The following DDX31 variants were observed in gnomAD, a reference collection of about 807,000 sequenced individuals.
DDX31 encodes ATP-dependent DNA helicase DDX31.
DDX31 carries 70 observed loss-of-function variants against 91.3 expected under a neutral mutation model. The ratio of observed to expected loss-of-function variants is 0.77; its 90% CI spans 0.63 to 0.94. The LOEUF is 0.94. Among genes scored for constraint, DDX31 ranks in the 40% least tolerant of loss-of-function variants. DDX31 has a pLI of 0.00. For missense variants in DDX31, 902 were observed against 925.0 expected (o/e 0.98, Z 0.32); for synonymous variants, 362 against 350.6 (o/e 1.03, Z -0.36).
intron 17 of DDX31, among the ~76,000 whole-genome samples, chr9:132,623,569 GAAAAAAA>G (rs71376647): frequency 6.7e-5 from 8 of 118,644 alleles, no homozygotes; most frequent in Non-Finnish European, 1.3e-4. Context: ...AAAAAAAAAA[GAAAAAAA>G]AAAGAAAAAA....
intron 14 of DDX31, among the ~76,000 whole-genome samples, chr9:132,639,445 G>A (rs1833348511): frequency 6.6e-6 from 1 of 152,222 alleles, no homozygotes; most frequent in Non-Finnish European, 1.5e-5. Flanking sequence ...ATCAGGCTGT[G>A]GGCGAGGGAG....
chr9:132,627,271 C>T (rs908437020), intron 16 of DDX31, among the ~76,000 whole-genome samples: 10 of 152,166 alleles, frequency 6.6e-5, no homozygotes, highest in African/African-American at 2.2e-4. Flanking sequence ...GCTGATATTC[C>T]AGCCAGAGTG....
intron 4 of DDX31, 148 bp from the exon 5 acceptor site, chr9:132,659,928 G>A: frequency 1.4e-6 from 1 of 699,104 alleles, no homozygotes; most frequent in South Asian, 1.8e-5. Flanking sequence ...ATAAAGGTGT[G>A]AAGAAACTTT....
At chr9:132,661,157 G>A (rs779334933) in intron 4 of DDX31, 51 bp downstream of exon 4, 19 of 1,537,428 alleles carry the variant, frequency 1.2e-5, no homozygotes, top group African/African-American at 2.7e-5. Context: ...GGTTTCGTCC[G>A]GTTATACCCA....
At position 132,595,662 on chromosome 9, in the gene DDX31, GA is replaced by G. The variant is rs1398500745; in HGVS notation, c.1995-551del. On this transcript the variant is annotated intron_variant, in intron 19 of 19. Transcript: ENST00000372159. This position sits in a 1 kb window ranked among gnomAD's most constrained non-coding sequence, Gnocchi z 4.6. Reference sequence around the variant, plus strand: ...ACAGCCAGATAGCTCTTTATGAACGGAAAAAACTCTTAAACATATTTCTGAC... The same window carrying G: ...ACAGCCAGATAGCTCTTTATGAACGGAAAAACTCTTAAACATATTTCTGAC... Among the ~76,000 whole-genome samples the G allele has an allele frequency of 6.6e-6, 1 of 152,246 alleles. No individual in the cohort carries two copies. The highest frequency in any genetic ancestry group is 2.4e-5 in the African/African-American group (1 of 41,538).
chr9:132,638,654 C>T (rs921290112), intron 14 of DDX31, among the ~76,000 whole-genome samples: 1 of 152,190 alleles, frequency 6.6e-6, no homozygotes, highest in Non-Finnish European at 1.5e-5. Flanking sequence ...CATTGAACAG[C>T]CACATTACAC....
At chr9:132,656,100 TA>T (rs570594189) in intron 6 of DDX31, among the ~76,000 whole-genome samples, 3 of 149,664 alleles carry the variant, frequency 2.0e-5, no homozygotes, top group Non-Finnish European at 3.0e-5. Flanking sequence ...GATATGATGT[TA>T]AAAAAAAAAT....
chr9:132,611,467 C>A (rs956525610), intron 19 of DDX31, among the ~76,000 whole-genome samples: 5 of 152,178 alleles, frequency 3.3e-5, no homozygotes, highest in Non-Finnish European at 7.3e-5. Flanking sequence ...ATCATCTCAG[C>A]ACTGGGAAAA....
chr9:132,650,001 A>G (rs1434099837), intron 9 of DDX31, among the ~76,000 whole-genome samples: 1 of 152,200 alleles, frequency 6.6e-6, no homozygotes, highest in Non-Finnish European at 1.5e-5. Flanking sequence ...AGAAGTTGAC[A>G]GCACTGTTAC....
chr9:132,599,174 C>A (rs763513525), intron 19 of DDX31, among the ~76,000 whole-genome samples: 1 of 152,160 alleles, frequency 6.6e-6, no homozygotes, highest in Non-Finnish European at 1.5e-5. Flanking sequence ...TTAACTTACT[C>A]ACTTTTCCAA....
At chr9:132,607,811 G>A (rs1287677060) in intron 19 of DDX31, among the ~76,000 whole-genome samples, 2 of 152,196 alleles carry the variant, frequency 1.3e-5, no homozygotes, top group Non-Finnish European at 2.9e-5. Flanking sequence ...TTATAGGTGT[G>A]AGCCACTGTG....
chr9:132,639,557 G>A (rs192606000), intron 14 of DDX31, among the ~76,000 whole-genome samples: 5 of 152,318 alleles, frequency 3.3e-5, no homozygotes, highest in East Asian at 1.9e-4. Flanking sequence ...CTGATACCAC[G>A]TGCCTGCAGG....
chr9:132,659,873 G>A (rs111488101), intron 4 of DDX31, 93 bp from the exon 5 acceptor site: 16 of 1,196,030 alleles, frequency 1.3e-5, no homozygotes, highest in African/African-American at 7.6e-5. Context: ...CCCACACTTG[G>A]ATTCATCTGG....
At chr9:132,611,314 G>A (rs576930116) in intron 19 of DDX31, among the ~76,000 whole-genome samples, 4 of 152,320 alleles carry the variant, frequency 2.6e-5, no homozygotes, top group African/African-American at 9.6e-5. Context: ...CATAAACAAT[G>A]AGACCATCCG....
At position 132,669,846 on chromosome 9, in the gene DDX31, G is replaced by T; in HGVS notation, c.75+14C>A. ...CGCGGGTGGGGACGGAGCTGAAGCC[G>T]GGTCAGAACTCACCCGACTCGCCTG... On this transcript the variant is annotated intron_variant, in intron 1 of 19. Coordinates refer to ENST00000372159, the MANE Select transcript of DDX31 (RefSeq NM_022779.9). The T allele has an allele frequency of 6.4e-7, 1 of 1,568,802 alleles. No homozygotes were observed.
intron 19 of DDX31, among the ~76,000 whole-genome samples, chr9:132,606,944 C>CT (rs1831063254): frequency 6.6e-6 from 1 of 152,138 alleles, no homozygotes; most frequent in South Asian, 2.1e-4. Flanking sequence ...CAGCACAGGC[C>CT]TTCAAAGATG....
intron 14 of DDX31, among the ~76,000 whole-genome samples, chr9:132,633,116 C>A (rs1438053243): frequency 6.6e-6 from 1 of 152,154 alleles, no homozygotes; most frequent in Non-Finnish European, 1.5e-5. Flanking sequence ...ATGACAAAAC[C>A]AAAGTTAAGA....
chr9:132,609,002 A>T (rs1831178231), intron 19 of DDX31, among the ~76,000 whole-genome samples: 3 of 152,166 alleles, frequency 2.0e-5, no homozygotes, highest in African/African-American at 7.2e-5. Context: ...TTCCCCAAAT[A>T]AAAAAAGGTA....
At chr9:132,649,827 G>A (rs557600027) in intron 9 of DDX31, among the ~76,000 whole-genome samples, 7 of 152,252 alleles carry the variant, frequency 4.6e-5, no homozygotes, top group East Asian at 3.9e-4. Context: ...AAACATATTC[G>A]GTTGTAAAAA....
Sources: gnomAD v4.1 joint callset for allele counts (sites outside exome capture counted in the v4.1 genomes callset) on GRCh38, gnomAD v4.1.1 for gene constraint, Gnocchi (gnomAD v3.1) non-coding constraint, MANE v1.5 for transcripts, NCBI Gene and HGNC (gene_info 2026-07-23, HGNC 2026-07-21) for gene names.